Variants in OGFOD1 observed in about 807,000 individuals in gnomAD.
OGFOD1 encodes the protein 2-oxoglutarate and iron dependent oxygenase domain containing 1.
A neutral mutation model predicts 67.7 loss-of-function variants in OGFOD1; 54 were observed. The observed-to-expected ratio is 0.80, with a 90% CI of 0.64 to 1.00. The LOEUF is 1.00. OGFOD1 is among the 50% of genes least tolerant of loss of function. The pLI, the probability that OGFOD1 is intolerant of heterozygous loss-of-function variation, is 0.00. For missense variants in OGFOD1, 606 were observed against 646.7 expected, an observed-to-expected ratio of 0.94 and a Z score of 0.68; for synonymous variants, 221 against 227.0, an observed-to-expected ratio of 0.97 and a Z score of 0.24.
In OGFOD1 at chr16:56,462,645, T is replaced by A. The variant is rs777371715; in HGVS notation, c.448+11T>A. The A allele has an allele frequency of 6.7e-7, 1 of 1,488,876 alleles. No homozygotes were observed. The highest frequency in any genetic ancestry group is 1.4e-5 in the African/African-American group (1 of 72,594). The allele number at this position is 1,488,876 out of a possible 1,614,324, so 92.2% of individuals were successfully genotyped here. ...AATATGAATTCACTGGTAAGGAAGA[T>A]AAAGGCCTGGTGTCTGTAAGATATA... On this transcript the variant is annotated intron_variant, in intron 4 of 12. Coordinates refer to ENST00000566157, the MANE Select transcript of OGFOD1 (RefSeq NM_018233.4).
In OGFOD1 at chr16:56,466,944, G is replaced by A. The variant is rs1376105413; in HGVS notation, c.634G>A (p.Val212Ile). The change falls in exon 6 of 13, where the codon GTA (valine) becomes ATA (isoleucine). Residue 212 changes from valine to isoleucine, a missense_variant. Physicochemically the swap from Val to Ile is conservative, Grantham distance 29. Transcript: ENST00000566157. ...PSWNKLVFFE[V>I]SPVSFHQVSE... ...GTGGAACAAACTGGTTTTCTTTGAAGTATCTCCTGTGTCCTTTCACCAGGT... is the reference window on the plus strand; with the variant it reads ...GTGGAACAAACTGGTTTTCTTTGAAATATCTCCTGTGTCCTTTCACCAGGT... 2 of 1,612,940 alleles carry A rather than the reference G, an allele frequency of 1.2e-6. No homozygotes were observed. The highest frequency in any genetic ancestry group is 1.7e-6 in the Non-Finnish European group (2 of 1,178,928).
intron 2 of OGFOD1, among the ~76,000 whole-genome samples, chr16:56,457,089 A>C (rs745855446): frequency 1.3e-5 from 2 of 152,260 alleles, no homozygotes; most frequent in South Asian, 4.1e-4. Context: ...AATAGACCCA[A>C]GATAATTAAA....
At chr16:56,469,850 CAAAAAA>C (rs751278368) in intron 8 of OGFOD1, among the ~76,000 whole-genome samples, 147 bp from the exon 9 acceptor site, 4 of 53,322 alleles carry the variant, frequency 7.5e-5, no homozygotes, top group South Asian at 7.7e-4. Flanking sequence ...AACTCCATCT[CAAAAAA>C]AAAAAAAAAA....
rs1398073207 is a variant in OGFOD1, at chr16:56,470,686, C to T, written c.1180C>T (p.His394Tyr). The T allele has an allele frequency of 6.2e-7, 1 of 1,613,792 alleles. No individual in the cohort carries two copies. The highest frequency in any genetic ancestry group is 8.5e-7 in the Non-Finnish European group (1 of 1,179,706). Reference sequence around the variant, plus strand: ...TGATATCACTGAAGAAGGGACTAGCCATAGTCCTCCTGAGCCAGAGAATAA... The same window carrying T: ...TGATATCACTGAAGAAGGGACTAGCTATAGTCCTCCTGAGCCAGAGAATAA... Reference protein sequence around the residue: ...TTDITEEGTSHSPPEPENNQM... With the variant: ...TTDITEEGTSYSPPEPENNQM... Residue 394 changes from histidine (H) to tyrosine (Y), a missense_variant, in exon 10 of 13, where the codon CAT (histidine) becomes TAT (tyrosine). Physicochemically the swap from His to Tyr is moderately conservative, Grantham distance 83. Transcript: ENST00000566157.
chr16:56,453,225 A>C (rs1248936208), intron 1 of OGFOD1, 38 bp from the exon 2 acceptor site: 1 of 1,580,770 alleles, frequency 6.3e-7, no homozygotes, highest in East Asian at 2.2e-5. Flanking sequence ...AAAAATACAA[A>C]AGGAAAAAAG....
rs767091408 is a variant in OGFOD1, at chr16:56,453,364, T to G, written c.256T>G (p.Leu86Val). The change falls in exon 2 of 13, where the codon TTG becomes GTG. Residue 86 changes from leucine (L) to valine (V), a missense_variant. By Grantham distance (32) the Leu-to-Val change is conservative. Coordinates refer to ENST00000566157, the MANE Select transcript of OGFOD1 (RefSeq NM_018233.4). ...LEGLQKELMN[L>V]DFHEKYNDLY... Reference sequence around the variant, plus strand: ...AGGGCTTCAGAAGGAACTGATGAACTTGGACTTCCATGAGAAGTATAATGA... The same window carrying G: ...AGGGCTTCAGAAGGAACTGATGAACGTGGACTTCCATGAGAAGTATAATGA... The G allele has an allele frequency of 6.2e-7, 1 of 1,614,050 alleles. No homozygotes were observed. Among genetic ancestry groups the G allele is most frequent in the Non-Finnish European group, 8.5e-7 (1 of 1,179,970 alleles).
At chr16:56,474,176 C>T (rs756871990) in intron 10 of OGFOD1, among the ~76,000 whole-genome samples, 3 of 151,988 alleles carry the variant, frequency 2.0e-5, no homozygotes, top group Non-Finnish European at 4.4e-5. Flanking sequence ...TGCCTTTCCT[C>T]GTTTCTACTT....
chr16:56,470,122 C>A, intron 9 of OGFOD1, 40 bp downstream of exon 9: 1 of 1,547,936 alleles, frequency 6.5e-7, no homozygotes, highest in Non-Finnish European at 8.9e-7. Context: ...CTACATTCAG[C>A]ACCTATAACA....
chr16:56,474,177 G>A (rs905010429), intron 10 of OGFOD1, among the ~76,000 whole-genome samples: 10 of 151,586 alleles, frequency 6.6e-5, no homozygotes, highest in East Asian at 5.8e-4. Context: ...GCCTTTCCTC[G>A]TTTCTACTTT....
rs1315461327 is a variant in OGFOD1 at position 56,466,934 on chromosome 16, T to C, written c.624T>C (p.Val208=). ...KSLIPSWNKL[V]FFEVSPVSFH... is the part of the protein sequence containing the mutation. ...TTATCCCTTCGTGGAACAAACTGGT[T>C]TTCTTTGAAGTATCTCCTGTGTCCT... The change falls in exon 6 of 13, where the codon GTT becomes GTC. Residue 208 remains valine (V), a synonymous_variant. Coordinates refer to ENST00000566157, the MANE Select transcript of OGFOD1 (RefSeq NM_018233.4). The C allele has an allele frequency of 2.5e-6, 4 of 1,613,718 alleles. No individual in the cohort carries two copies. Among genetic ancestry groups the C allele is most frequent in the Non-Finnish European group, 3.4e-6 (4 of 1,179,718 alleles).
chr16:56,473,386 T>C (rs1963294175), intron 10 of OGFOD1, among the ~76,000 whole-genome samples: 1 of 152,254 alleles, frequency 6.6e-6, no homozygotes, highest in Admixed American at 6.5e-5. Context: ...TAACCAGTCC[T>C]GTGTTGAGCA....
Position 56,476,281 on chromosome 16 carries a change from C to A in OGFOD1, c.*76C>A. On this transcript the variant is annotated 3_prime_UTR_variant, in exon 13 of 13. Coordinates refer to ENST00000566157, the MANE Select transcript of OGFOD1 (RefSeq NM_018233.4). The stretch of plus-strand genomic sequence containing the variant: ...AGTCTGAAAGAGCTAAGCATGGAGT[C>A]AAGGAGAACTACATGGTAGCTTGCC... 7.3e-7 allele frequency: 1 copy of A among 1,370,544 alleles called. No individual in the cohort carries two copies. The highest frequency in any genetic ancestry group is 1.0e-6 in the Non-Finnish European group (1 of 996,016). 84.9% of individuals were successfully genotyped at this position (1,370,544 alleles called of 1,614,324 possible). A position where few individuals can be genotyped will look rare whatever the true frequency, so the allele number is the denominator to read the frequency against.
At chr16:56,469,022 T>G (rs966428888) in intron 8 of OGFOD1, among the ~76,000 whole-genome samples, 2 of 152,368 alleles carry the variant, frequency 1.3e-5, no homozygotes, top group African/African-American at 4.8e-5. Context: ...ATTTTATAGC[T>G]GACATTAGCA....
rs749140622 is a variant in OGFOD1 at position 56,451,634 on chromosome 16, G to A, written c.22G>A (p.Glu8Lys). 1.2e-6 allele frequency: 2 copies of A among 1,613,934 alleles called. No homozygotes were observed. The highest frequency in any genetic ancestry group is 2.2e-5 in the South Asian group (2 of 91,090). ...AGAGATGAATGGGAAGCGGCCAGCGGAGCCCGGCCCAGCCCGGGTGGGAAA... is the reference window on the plus strand; with the variant it reads ...AGAGATGAATGGGAAGCGGCCAGCGAAGCCCGGCCCAGCCCGGGTGGGAAA... MNGKRPA[E>K]PGPARVGKKG... The change falls in exon 1 of 13, where the codon GAG becomes AAG. Residue 8 changes from glutamate (E) to lysine (K), a missense_variant. Glu to Lys is a moderately conservative substitution (Grantham distance 56). Transcript: ENST00000566157.
chr16:56,466,014 T>C (rs1352174767), intron 4 of OGFOD1, 138 bp from the exon 5 acceptor site: 25 of 612,372 alleles, frequency 4.1e-5, no homozygotes, highest in Non-Finnish European at 7.3e-5. Flanking sequence ...GAAATAAGTG[T>C]CATTTTAAAG....
intron 2 of OGFOD1, chr16:56,458,234 T>C (rs1962592762): frequency 7.0e-6 from 2 of 284,424 alleles, no homozygotes; most frequent in South Asian, 8.4e-5. Context: ...TTTCTTTTTT[T>C]CCTTTATGCA....
At chr16:56,461,415 C>T (rs1291774689) in intron 3 of OGFOD1, among the ~76,000 whole-genome samples, 3 of 152,224 alleles carry the variant, frequency 2.0e-5, no homozygotes, top group Non-Finnish European at 2.9e-5. Flanking sequence ...TCACCCTATA[C>T]ATCCCTTCCG....
intron 2 of OGFOD1, among the ~76,000 whole-genome samples, chr16:56,453,954 C>T (rs2143964114): frequency 6.6e-6 from 1 of 152,198 alleles, no homozygotes; most frequent in East Asian, 1.9e-4. Flanking sequence ...ACAAATTAAG[C>T]CGATGAGTAA....
intron 1 of OGFOD1, among the ~76,000 whole-genome samples, chr16:56,452,851 C>T (rs1180529177): frequency 2.0e-5 from 3 of 152,006 alleles, no homozygotes; most frequent in African/African-American, 7.2e-5. Flanking sequence ...TAGTAAATGC[C>T]TCTGACAGTA....
Sources: allele counts gnomAD v4.1 joint callset (sites outside exome capture counted in the v4.1 genomes callset), GRCh38; gene constraint gnomAD v4.1.1; transcripts MANE v1.5; gene names NCBI Gene and HGNC (gene_info 2026-07-23, HGNC 2026-07-21).